Variants in RASAL2 observed in about 807,000 individuals in gnomAD.
The protein encoded by RASAL2 is RAS protein activator like 2.
A neutral mutation model predicts 128.9 loss-of-function variants in RASAL2; 58 were observed. The observed-to-expected ratio is 0.45, with a 90% CI of 0.36 to 0.56. RASAL2 has a LOEUF of 0.56. Among genes scored for constraint, RASAL2 ranks in the 20% least tolerant of loss-of-function variants. The pLI is 0.00. For synonymous variants in RASAL2, 561 were observed against 580.8 expected (o/e 0.97, Z 0.49); for missense variants, 1,360 against 1,601.6 (o/e 0.85, Z 2.57).
intron 3 of RASAL2, among the ~76,000 whole-genome samples, chr1:178,343,433 A>G (rs1053842016): frequency 2.6e-5 from 4 of 152,168 alleles, no homozygotes; most frequent in African/African-American, 7.2e-5. Flanking sequence ...AACAGTATTC[A>G]TGTTGTATTA....
chr1:178,348,584 C>A (rs1670272867), intron 3 of RASAL2, among the ~76,000 whole-genome samples: 1 of 152,194 alleles, frequency 6.6e-6, no homozygotes, highest in Non-Finnish European at 1.5e-5. Context: ...CAGGCATGAG[C>A]TACCACGCCC....
chr1:178,400,752 A>C (rs938226729), intron 4 of RASAL2, among the ~76,000 whole-genome samples: 1 of 151,948 alleles, frequency 6.6e-6, no homozygotes, highest in African/African-American at 2.4e-5. Context: ...AGTCAAAATT[A>C]ATTAATTAAT....
chr1:178,148,631 G>C (rs1660808988), intron 1 of RASAL2, among the ~76,000 whole-genome samples: 1 of 151,848 alleles, frequency 6.6e-6, no homozygotes, highest in Non-Finnish European at 1.5e-5. Context: ...ATTTTTTGTA[G>C]AGACAGGATT....
chr1:178,199,337 G>A (rs2101963599), intron 1 of RASAL2, among the ~76,000 whole-genome samples: 1 of 152,306 alleles, frequency 6.6e-6, no homozygotes, highest in East Asian at 1.9e-4. Context: ...CCAATGAGAT[G>A]AACCAGGTAC....
Position 178,458,464 on chromosome 1 carries a change from C to G in RASAL2, c.3172C>G (p.Arg1058Gly). The G allele has an allele frequency of 6.2e-7, 1 of 1,614,142 alleles. No homozygotes were observed. The highest frequency in any genetic ancestry group is 8.5e-7 in the Non-Finnish European group (1 of 1,180,038). Residue 1058 changes from arginine (R) to glycine (G), a missense_variant, in exon 14 of 18, where the codon CGG becomes GGG. Transcript: ENST00000367649. ...LVAEPVQNGS[R>G]SRQQSSSSRE... ...GGCCGAACCTGTGCAGAATGGGAGC[C>G]GGTCCCGGCAGCAGTCCTCTTCCTC...
At chr1:178,431,972 C>T (rs1304830398) in intron 5 of RASAL2, among the ~76,000 whole-genome samples, 1 of 150,380 alleles carries the variant, frequency 6.6e-6, no homozygotes, top group African/African-American at 2.4e-5. Flanking sequence ...TGGGTACCTT[C>T]GTATAAAATA....
At chr1:178,402,190 C>T (rs1442913362) in intron 4 of RASAL2, among the ~76,000 whole-genome samples, 1 of 151,984 alleles carries the variant, frequency 6.6e-6, no homozygotes, top group Non-Finnish European at 1.5e-5. Flanking sequence ...CCAAGGTGGG[C>T]AGATCACTTG....
At chr1:178,128,425 G>A (rs907371402) in intron 1 of RASAL2, among the ~76,000 whole-genome samples, 9 of 152,102 alleles carry the variant, frequency 5.9e-5, no homozygotes, top group East Asian at 1.9e-4. Context: ...AGGATTAAAT[G>A]AGTTACTCAG....
intron 1 of RASAL2, among the ~76,000 whole-genome samples, chr1:178,117,990 C>T (rs1297293930): frequency 6.6e-6 from 1 of 151,966 alleles, no homozygotes. Flanking sequence ...CATGATGAAA[C>T]TCCGTCTCGA....
intron 1 of RASAL2, among the ~76,000 whole-genome samples, chr1:178,281,238 A>G (rs1422317344): frequency 6.6e-6 from 1 of 151,330 alleles, no homozygotes; most frequent in Non-Finnish European, 1.5e-5. Flanking sequence ...GACAGACATA[A>G]TTTTTTTTTA....
chr1:178,415,222 C>T (rs1674680184), intron 4 of RASAL2, among the ~76,000 whole-genome samples: 1 of 152,108 alleles, frequency 6.6e-6, no homozygotes, highest in East Asian at 1.9e-4. Context: ...TTCCTCTAAG[C>T]ACTGTTTTTA....
chr1:178,226,310 A>T (rs982618085), intron 1 of RASAL2, among the ~76,000 whole-genome samples: 2 of 152,176 alleles, frequency 1.3e-5, no homozygotes, highest in Non-Finnish European at 2.9e-5. Context: ...TGCCCACATC[A>T]TGAGTTTGGT....
intron 9 of RASAL2, among the ~76,000 whole-genome samples, chr1:178,446,126 ATAAC>A (rs1472072180): frequency 1.3e-5 from 2 of 152,214 alleles, no homozygotes; most frequent in Non-Finnish European, 2.9e-5. Context: ...AATTTTTAAC[ATAAC>A]TAATTTTTGT....
chr1:178,419,053 A>T (rs955451284), intron 4 of RASAL2, among the ~76,000 whole-genome samples: 7 of 152,160 alleles, frequency 4.6e-5, no homozygotes, highest in Non-Finnish European at 7.3e-5. Flanking sequence ...TATCCTGATA[A>T]ATATAGCCTT....
chr1:178,102,269 CA>C (rs1658927878), intron 1 of RASAL2, among the ~76,000 whole-genome samples: 1 of 151,912 alleles, frequency 6.6e-6, no homozygotes, highest in South Asian at 2.1e-4. Flanking sequence ...TAGGAAAAGC[CA>C]AAATTAAAAT....
intron 3 of RASAL2, among the ~76,000 whole-genome samples, chr1:178,372,986 T>G (rs1671796487): frequency 6.6e-6 from 1 of 152,138 alleles, no homozygotes; most frequent in African/African-American, 2.4e-5. Flanking sequence ...TTTAAAAACC[T>G]ATTTGTGAAT....
At position 178,390,124 on chromosome 1, in the gene RASAL2, G is replaced by T. The variant is rs764865700; in HGVS notation, c.482G>T (p.Arg161Leu). ...KLEVPAERSP[R>L]RRSISGTSTS... ...GAGGTACCAGCAGAAAGGTCCCCTC[G>T]TAGACGGAGTATCTCAGGGACCAGT... Residue 161 changes from arginine to leucine, a missense_variant, in exon 4 of 18, where the codon CGT (arginine) becomes CTT (leucine). Arg to Leu is a moderately radical substitution (Grantham distance 102). Coordinates refer to ENST00000367649, the MANE Select transcript of RASAL2 (RefSeq NM_170692.4). 1 of 1,611,904 alleles carries T rather than the reference G, an allele frequency of 6.2e-7. No individual in the cohort carries two copies. Among genetic ancestry groups the T allele is most frequent in the Non-Finnish European group, 8.5e-7 (1 of 1,179,050 alleles).
intron 2 of RASAL2, among the ~76,000 whole-genome samples, chr1:178,284,041 A>T (rs546844067): frequency 6.6e-6 from 1 of 152,172 alleles, no homozygotes; most frequent in Admixed American, 6.5e-5. Context: ...AAATGTCATT[A>T]ATTGGATTAA....
intron 3 of RASAL2, among the ~76,000 whole-genome samples, chr1:178,376,717 T>TA (rs1349529473): frequency 2.0e-5 from 3 of 152,246 alleles, no homozygotes; most frequent in Non-Finnish European, 4.4e-5. Flanking sequence ...GCCCATCAAA[T>TA]ACTTCCCTGC....
Sources: gnomAD v4.1 joint callset for allele counts (sites outside exome capture counted in the v4.1 genomes callset) on GRCh38, gnomAD v4.1.1 for gene constraint, MANE v1.5 for transcripts, NCBI Gene and HGNC (gene_info 2026-07-23, HGNC 2026-07-21) for gene names.